The following HMG20A variants were observed in gnomAD, a reference collection of about 807,000 sequenced individuals.
The protein encoded by HMG20A is high mobility group protein 20A.
In HMG20A, 17 loss-of-function variants were observed where a neutral mutation model predicts 43.9. The ratio of observed to expected loss-of-function variants is 0.39; its 90% CI spans 0.27 to 0.58. The LOEUF is 0.58. HMG20A is among the 20% of genes least tolerant of loss of function. The probability of loss-of-function intolerance (pLI) is 0.59; values close to 1 mark genes in which losing one functional copy is unlikely to be tolerated. For missense variants in HMG20A, 341 were observed against 438.2 expected (o/e 0.78, Z 1.98); for synonymous variants, 132 against 147.5 (o/e 0.89, Z 0.76).
chr15:77,494,286 T>C, the HMG20A span, among the ~76,000 whole-genome samples: 1 of 152,100 alleles, frequency 6.6e-6, no homozygotes, highest in Non-Finnish European at 1.5e-5. Context: ...TGCACTACCA[T>C]GCCTGGCTAA....
chr15:77,456,554 C>A (rs2072655958), intron 1 of HMG20A, among the ~76,000 whole-genome samples: 1 of 150,282 alleles, frequency 6.7e-6, no homozygotes, highest in South Asian at 2.1e-4. Context: ...GTGGCACGTA[C>A]CTGTAATCCC....
chr15:77,445,622 A>C (rs765348618), intron 1 of HMG20A, among the ~76,000 whole-genome samples: 3 of 152,204 alleles, frequency 2.0e-5, no homozygotes, highest in Non-Finnish European at 2.9e-5. Context: ...CACTTAAAGA[A>C]GCACTTTACA....
At chr15:77,515,834 G>A in the HMG20A span, among the ~76,000 whole-genome samples, 1 of 152,182 alleles carries the variant, frequency 6.6e-6, no homozygotes, top group East Asian at 1.9e-4. Context: ...GGTTGTGGGT[G>A]AGACAGAAGG....
intron 3 of HMG20A, among the ~76,000 whole-genome samples, chr15:77,466,272 T>C (rs928458019): frequency 2.6e-5 from 4 of 152,112 alleles, no homozygotes; most frequent in Non-Finnish European, 4.4e-5. Flanking sequence ...TCCCAGCTAC[T>C]TGGAAGACTA....
chr15:77,515,730 GGC>G, the HMG20A span, among the ~76,000 whole-genome samples: 1 of 152,236 alleles, frequency 6.6e-6, no homozygotes, highest in African/African-American at 2.4e-5. Context: ...AAACATTGTA[GGC>G]CAAACAGAAC....
intron 9 of HMG20A, among the ~76,000 whole-genome samples, chr15:77,481,358 G>T (rs2072904610): frequency 6.6e-6 from 1 of 152,144 alleles, no homozygotes; most frequent in Non-Finnish European, 1.5e-5. Context: ...CTAGGCCTGG[G>T]ATATTCAGGA....
At chr15:77,428,880 C>T (rs1021286930) in intron 1 of HMG20A, among the ~76,000 whole-genome samples, 2 of 151,160 alleles carry the variant, frequency 1.3e-5, no homozygotes, top group South Asian at 2.1e-4. Context: ...GCCAGAGGAT[C>T]GCATAAGCCC....
the HMG20A span, among the ~76,000 whole-genome samples, chr15:77,508,980 T>C: frequency 6.6e-6 from 1 of 152,204 alleles, no homozygotes; most frequent in South Asian, 2.1e-4. Flanking sequence ...GGCCCCTTTG[T>C]TAACTCAGCA....
In HMG20A at chr15:77,428,701, G is replaced by T. The variant is rs574143941; in HGVS notation, c.-5+7697G>T. Among the ~76,000 whole-genome samples, 59 of 152,306 alleles carry T rather than the reference G, an allele frequency of 3.9e-4. 1 individual carries two copies. In the South Asian group the frequency reaches 0.012, roughly 31 times the overall value. On this transcript the variant is annotated intron_variant, in intron 1 of 9. Transcript: ENST00000336216. Reference sequence around the variant, plus strand: ...AGTGGACTCTAGGCTGGGTGTGGTGGCTTCTGTAATCCCAACACTTTGGGA... The same window carrying T: ...AGTGGACTCTAGGCTGGGTGTGGTGTCTTCTGTAATCCCAACACTTTGGGA...
In HMG20A at chr15:77,483,909, A is replaced by T. The variant is rs761191368; in HGVS notation, c.*946A>T. 2 of 152,226 alleles carry T rather than the reference A, an allele frequency of 1.3e-5. No homozygotes were observed. Among genetic ancestry groups the T allele is most frequent in the Non-Finnish European group, 2.9e-5 (2 of 68,036 alleles). 9.4% of individuals were successfully genotyped at this position (152,226 alleles called of 1,614,324 possible). ...CTGTCTTCTTTAGGAGTAATGATTC[A>T]TAGATCTAGATAGGTGGAAATATCA... On this transcript the variant is annotated 3_prime_UTR_variant, in exon 10 of 10. Transcript: ENST00000336216.
chr15:77,492,169 A>C, the HMG20A span, among the ~76,000 whole-genome samples: 1 of 152,252 alleles, frequency 6.6e-6, no homozygotes, highest in African/African-American at 2.4e-5. Flanking sequence ...TGTGTTATGT[A>C]GGAATACCTG....
chr15:77,506,567 C>T, the HMG20A span, among the ~76,000 whole-genome samples: 1 of 152,194 alleles, frequency 6.6e-6, no homozygotes, highest in African/African-American at 2.4e-5. Flanking sequence ...ACCTAGAACA[C>T]AATTTATTTT....
the HMG20A span, among the ~76,000 whole-genome samples, chr15:77,495,757 G>C: frequency 1.3e-5 from 2 of 152,188 alleles, no homozygotes; most frequent in Non-Finnish European, 2.9e-5. Context: ...CAGCATGAAA[G>C]AGAAGTGTCA....
the HMG20A span, among the ~76,000 whole-genome samples, chr15:77,496,015 G>C: frequency 1.3e-5 from 2 of 152,114 alleles, no homozygotes; most frequent in African/African-American, 4.8e-5. Flanking sequence ...TGCAATCCCA[G>C]GAGACAAAGG....
the HMG20A span, among the ~76,000 whole-genome samples, chr15:77,506,053 C>A: frequency 1.3e-5 from 2 of 149,458 alleles, no homozygotes; most frequent in East Asian, 1.9e-4. Flanking sequence ...TACCCCCCCA[C>A]CTAGGGTTGG....
At chr15:77,423,764 A>G (rs1163705423) in intron 1 of HMG20A, among the ~76,000 whole-genome samples, 1 of 152,044 alleles carries the variant, frequency 6.6e-6, no homozygotes, top group Non-Finnish European at 1.5e-5. Context: ...AATGTTTTGC[A>G]ACTGTTGCTT....
chr15:77,470,512 C>T (rs551960045), intron 4 of HMG20A, among the ~76,000 whole-genome samples: 1 of 152,268 alleles, frequency 6.6e-6, no homozygotes, highest in South Asian at 2.1e-4. Flanking sequence ...ATATTCTGTT[C>T]CTTCCCTTGG....
At chr15:77,442,574 C>T (rs2073623954) in intron 1 of HMG20A, among the ~76,000 whole-genome samples, 1 of 152,146 alleles carries the variant, frequency 6.6e-6, no homozygotes. Context: ...AAATTGTGCC[C>T]TTACTCTCCC....
the HMG20A span, among the ~76,000 whole-genome samples, chr15:77,505,002 C>T: frequency 4.3e-4 from 65 of 152,236 alleles, 1 homozygote; most frequent in South Asian, 0.013. Context: ...CACTGAGGTT[C>T]GGGGTCATAT....
Sources: gnomAD v4.1 joint callset for allele counts (sites outside exome capture counted in the v4.1 genomes callset) on GRCh38, gnomAD v4.1.1 for gene constraint, MANE v1.5 for transcripts, NCBI Gene and HGNC (gene_info 2026-07-23, HGNC 2026-07-21) for gene names.